The following DMKN variants were observed in gnomAD, a reference collection of about 807,000 sequenced individuals.
DMKN encodes epidermis-specific secreted protein SK30/SK89.
In DMKN, 58 loss-of-function variants were observed where a neutral mutation model predicts 67.6. That is an observed-to-expected ratio of 0.86 (90% CI 0.69 to 1.07). The LOEUF (loss-of-function observed/expected upper bound fraction) is 1.07, where lower values mean the gene tolerates loss of function less well. Among genes scored for constraint, DMKN ranks in the 50% least tolerant of loss-of-function variants. The probability of loss-of-function intolerance (pLI) is 0.00; values close to 1 mark genes in which losing one functional copy is unlikely to be tolerated. For missense variants in DMKN, 596 were observed against 601.5 expected (o/e 0.99, Z 0.10); for synonymous variants, 240 against 232.3 (o/e 1.03, Z -0.30).
At chr19:35,499,642 G>A (rs1270618525) in intron 13 of DMKN, among the ~76,000 whole-genome samples, 1 of 152,116 alleles carries the variant, frequency 6.6e-6, no homozygotes, top group Non-Finnish European at 1.5e-5. Flanking sequence ...GTGTTTTGCA[G>A]GTGTCATGAT....
intron 11 of DMKN, chr19:35,501,757 C>T (rs11669737): frequency 6.8e-6 from 10 of 1,465,678 alleles, no homozygotes; most frequent in African/African-American, 5.7e-5. Context: ...CTCCCCATGC[C>T]GCAGCCTAGG....
intron 3 of DMKN, 46 bp from the exon 4 acceptor site, chr19:35,511,859 G>T: frequency 6.3e-7 from 1 of 1,586,322 alleles, no homozygotes; most frequent in Non-Finnish European, 8.6e-7. Flanking sequence ...TGAGTTTGGA[G>T]ACGTTGGCCT....
At chr19:35,509,062 C>CA (rs200342563) in intron 7 of DMKN, among the ~76,000 whole-genome samples, 17,323 of 150,784 alleles carry the variant, frequency 0.11, 1,111 homozygotes, top group East Asian at 0.21. Context: ...ACTAAAAATA[C>CA]AAAAAAAAAT....
At position 35,507,968 on chromosome 19, in the gene DMKN, C is replaced by T. The variant is rs113930379; in HGVS notation, c.1038+1943G>A. 280 of 515,956 alleles carry T rather than the reference C, an allele frequency of 5.4e-4. 2 individuals are homozygous for T. Among genetic ancestry groups the T allele is most frequent in the African/African-American group, 3.9e-3 (199 of 51,654 alleles). The allele number at this position is 515,956 out of a possible 1,614,324, so 32.0% of individuals were successfully genotyped here. A position where few individuals can be genotyped will look rare whatever the true frequency, so the allele number is the denominator to read the frequency against. ...GCTGGAGAGCCAGTGGGGGCTGAGG[C>T]GGCATAGAGTAGACTGGCTGGTCCC... On this transcript the variant is annotated intron_variant, in intron 7 of 15. Coordinates refer to ENST00000339686, the MANE Select transcript of DMKN (RefSeq NM_033317.5).
In DMKN at chr19:35,500,570, G is replaced by A. The variant is rs751861645; in HGVS notation, c.1250C>T (p.Ala417Val). The A allele has an allele frequency of 4.0e-5, 65 of 1,609,582 alleles. No homozygotes were observed. The East Asian group carries it at 1.0e-3, about 25-fold the overall frequency. The change falls in exon 12 of 16, where the codon GCG becomes GTG. Residue 417 changes from alanine (A) to valine (V), a missense_variant. Physicochemically the swap from Ala to Val is moderately conservative, Grantham distance 64. Transcript: ENST00000339686. ...GCCTGCACGTTTCTGCAGTGATGAC[G>A]CGTCCGCACCCTGAAAGGAAGAAGG... ...NWKAIIEGAD[A>V]SSLQKRAGRD...
chr19:35,502,839 T>G lies in DMKN; in HGVS notation c.1182A>C (p.Arg394=). ...PSTRALLYFS[R]LWEDFKQNTP... ...GCAAGAATTCTCCTACCTCCCAGAG[T>G]CGGCTGAAGTAGAGGAGGGCTCGGG... The change falls in exon 10 of 16, where the codon CGA becomes CGC. Residue 394 remains arginine, a synonymous_variant. Coordinates refer to ENST00000339686, the MANE Select transcript of DMKN (RefSeq NM_033317.5). 6.2e-7 allele frequency: 1 copy of G among 1,613,546 alleles called. No homozygotes were observed.
chr19:35,510,859 TGCCGGCTCTGGAGTCAGTGAGGCCC>T (rs2070628471), intron 5 of DMKN, among the ~76,000 whole-genome samples: 1 of 152,156 alleles, frequency 6.6e-6, no homozygotes, highest in Non-Finnish European at 1.5e-5. Context: ...CTGGAGAGAC[TGCCGGCTCTGGAGTCAGTGAGGCCC>T]GGGGCCCTGG....
chr19:35,503,474 GTTT>G (rs149163465), intron 9 of DMKN: 415 of 1,449,950 alleles, frequency 2.9e-4, no homozygotes, highest in Middle Eastern at 1.0e-3. Context: ...GTTTTTTTTT[GTTT>G]TTTTTTTTTT....
At position 35,507,407 on chromosome 19, in the gene DMKN, T is replaced by G. The variant is rs1343228246; in HGVS notation, c.1039-1421A>C. 6.7e-6 allele frequency: 10 copies of G among 1,502,648 alleles called. No individual in the cohort carries two copies. In the South Asian group the frequency reaches 1.1e-4, roughly 16 times the overall value. 93.1% of individuals were successfully genotyped at this position (1,502,648 alleles called of 1,614,324 possible). ...TGTTTCTTTTCCCAGGATCTTAGCA[T>G]GCTTCACCATCCCTTCTCCTAAAGC... is the stretch of plus-strand genomic sequence containing the variant. On this transcript the variant is annotated intron_variant, in intron 7 of 15. Transcript: ENST00000339686.
At chr19:35,498,529 T>C (rs2067825868) in intron 15 of DMKN, 187 bp downstream of exon 15, 4 of 760,648 alleles carry the variant, frequency 5.3e-6, no homozygotes, top group Non-Finnish European at 8.3e-6. Context: ...TTATTATGGG[T>C]CTTTCTCCAC....
chr19:35,507,514 A>G (rs747914562), intron 7 of DMKN: 94 of 1,551,232 alleles, frequency 6.1e-5, no homozygotes, highest in Non-Finnish European at 7.5e-5. Flanking sequence ...CTTATTTCCT[A>G]GGGAGACAGA....
chr19:35,509,845 A>G (rs1444524371), intron 7 of DMKN, 66 bp downstream of exon 7: 1 of 1,575,156 alleles, frequency 6.3e-7, no homozygotes, highest in African/African-American at 1.4e-5. Context: ...TTGAGTTAGG[A>G]GGAGTGGGCA....
rs140754810 is a variant in DMKN, at chr19:35,498,184, G to A, written c.*532C>T. 8.9e-3 allele frequency: 1,393 copies of A among 157,310 alleles called. 10 individuals are homozygous for A. Among genetic ancestry groups the A allele is most frequent in the Non-Finnish European group, 0.013 (910 of 71,504 alleles). 9.7% of individuals were successfully genotyped at this position (157,310 alleles called of 1,614,324 possible). The stretch of plus-strand genomic sequence containing the variant: ...AGGTCTCACTGTGATTGCCCAGGCT[G>A]GAGTGCAGCGGTGCAATCGCAGTTC... On this transcript the variant is annotated intron_variant, in intron 15 of 15. Transcript: ENST00000339686.
At position 35,500,271 on chromosome 19, in the gene DMKN, C is replaced by T. The variant is rs1340892047; in HGVS notation, c.1288-242G>A. On this transcript the variant is annotated intron_variant, in intron 12 of 15. Coordinates refer to ENST00000339686, the MANE Select transcript of DMKN (RefSeq NM_033317.5). ...TCCTCCTCCTACTCCTCCTCCTGCC[C>T]TCAAGACCTCTGCCAACTCTTCAAG... 20 of 1,458,472 alleles carry T rather than the reference C, an allele frequency of 1.4e-5. No individual in the cohort carries two copies. In the Middle Eastern group the frequency reaches 5.5e-4, roughly 40 times the overall value. 90.3% of individuals were successfully genotyped at this position (1,458,472 alleles called of 1,614,324 possible).
Position 35,511,418 on chromosome 19 carries a change from G to T in DMKN, c.911C>A (p.Ser304Tyr). The change falls in exon 5 of 16, where the codon TCC (serine) becomes TAC (tyrosine). Residue 304 changes from serine (S) to tyrosine (Y), a missense_variant. Transcript: ENST00000339686. ...CAGAGGTGCCAAACTCACCCAGGAG[G>T]ACTCACTGCCGCTGTCACCTCTGCT... ...GGSRGDSGSE[S>Y]SWGSSTGSSS... 1.2e-6 allele frequency: 2 copies of T among 1,608,142 alleles called. No individual in the cohort carries two copies. The highest frequency in any genetic ancestry group is 8.5e-7 in the Non-Finnish European group (1 of 1,179,746).
chr19:35,498,193 CGGT>C (rs748155558), intron 15 of DMKN: 47 of 160,264 alleles, frequency 2.9e-4, no homozygotes, highest in Non-Finnish European at 5.2e-4. Context: ...TGGAGTGCAG[CGGT>C]GCAATCGCAG....
intron 9 of DMKN, among the ~76,000 whole-genome samples, chr19:35,504,222 T>C (rs950532495): frequency 3.3e-5 from 5 of 152,102 alleles, no homozygotes; most frequent in Non-Finnish European, 7.4e-5. Context: ...GGCTCTCCCA[T>C]CAGACCCTAA....
rs1435823485 is a variant in DMKN, at chr19:35,509,935, G to A, written c.1014C>T (p.Arg338=). 5 of 1,614,022 alleles carry A rather than the reference G, an allele frequency of 3.1e-6. No individual in the cohort carries two copies. Among genetic ancestry groups the A allele is most frequent in the Non-Finnish European group, 4.2e-6 (5 of 1,180,012 alleles). ...PGCEKPGNEA[R]GSGESGIQNS... ...CCTGAATCCCAGATTCCCCGCTCCC[G>A]CGGGCTTCATTCCCTGGCTTTTCAC... is the stretch of plus-strand genomic sequence containing the variant. The change falls in exon 7 of 16, where the codon CGC becomes CGT. Residue 338 remains arginine, a synonymous_variant. Transcript: ENST00000339686.
chr19:35,498,679 CA>C (rs1568552657), intron 15 of DMKN, 36 bp downstream of exon 15: 1 of 1,613,196 alleles, frequency 6.2e-7, no homozygotes, highest in East Asian at 2.2e-5. Context: ...CCTCCACTGC[CA>C]GGATGTGGCC....
Sources: allele counts gnomAD v4.1 joint callset (sites outside exome capture counted in the v4.1 genomes callset), GRCh38; gene constraint gnomAD v4.1.1; transcripts MANE v1.5; gene names NCBI Gene and HGNC (gene_info 2026-07-23, HGNC 2026-07-21).